Variants in MTSS1 observed in about 807,000 individuals in gnomAD.
The protein encoded by MTSS1 is MTSS I-BAR domain containing 1, also known as protein MTSS 1.
A neutral mutation model predicts 79.0 loss-of-function variants in MTSS1; 18 were observed. The ratio of observed to expected loss-of-function variants is 0.23; its 90% CI spans 0.16 to 0.34. The LOEUF (loss-of-function observed/expected upper bound fraction) is 0.34, where lower values mean the gene tolerates loss of function less well. Among genes scored for constraint, MTSS1 ranks in the 10% least tolerant of loss-of-function variants. MTSS1 has a pLI of 1.00. For synonymous variants in MTSS1, 341 were observed against 368.6 expected (o/e 0.93, Z 0.86); for missense variants, 815 against 986.2 (o/e 0.83, Z 2.33).
chr8:124,686,665 GT>G (rs1827035274), intron 3 of MTSS1, among the ~76,000 whole-genome samples: 1 of 152,196 alleles, frequency 6.6e-6, no homozygotes, highest in Non-Finnish European at 1.5e-5. Context: ...CACATTTTTG[GT>G]TTTCACAACT....
intron 3 of MTSS1, among the ~76,000 whole-genome samples, chr8:124,632,823 G>A (rs754710496): frequency 1.3e-5 from 2 of 152,016 alleles, no homozygotes; most frequent in Admixed American, 6.6e-5. Flanking sequence ...GTATGCTACC[G>A]CATCCAGCTA....
At position 124,551,487 on chromosome 8, in the gene MTSS1, T is replaced by TAA. The variant is rs1349170962; in HGVS notation, c.*1503_*1504dup. 6.6e-6 allele frequency: 1 copy of TAA among 152,594 alleles called. No homozygotes were observed. Among genetic ancestry groups the TAA allele is most frequent in the Admixed American group, 6.5e-5 (1 of 15,278 alleles). 9.5% of individuals were successfully genotyped at this position (152,594 alleles called of 1,614,324 possible). ...TCCAATGCAGTTATGTGTTAAAGCA[T>TAA]AAGATTAGGTAATTGAGGGTTAGAG... is the stretch of plus-strand genomic sequence containing the variant. On this transcript the variant is annotated 3_prime_UTR_variant, in exon 14 of 14. Transcript: ENST00000518547.
rs1830254498 is a variant in MTSS1, at chr8:124,582,687, AAC to A, written c.460+2398_460+2399del. Among the ~76,000 whole-genome samples the A allele has an allele frequency of 6.6e-6, 1 of 152,316 alleles. No homozygotes were observed. The highest frequency in any genetic ancestry group is 6.5e-5 in the Admixed American group (1 of 15,306). ...GCGTGGTGCGTCAGAAGGAACTGCT[AAC>A]ACTTTTACAAACCGAGGGTCCGGGA... On this transcript the variant is annotated intron_variant, in intron 6 of 13. Coordinates refer to ENST00000518547, the MANE Select transcript of MTSS1 (RefSeq NM_014751.6). The surrounding 1 kb of genome is among the most constrained non-coding windows in gnomAD (Gnocchi z 4.8).
Position 124,553,273 on chromosome 8 carries a change from AG to A in MTSS1, c.1986del (p.Ser663GlnfsTer58). The A allele has an allele frequency of 6.2e-7, 1 of 1,614,104 alleles. No individual in the cohort carries two copies. Among genetic ancestry groups the A allele is most frequent in the Non-Finnish European group, 8.5e-7 (1 of 1,180,022 alleles). On this transcript the variant is annotated frameshift_variant, in exon 14 of 14. Transcript: ENST00000518547. LOFTEE classifies it high-confidence loss of function. The surrounding 1 kb of genome is among the most constrained non-coding windows in gnomAD (Gnocchi z 6.0). ...ACGGAAGCTTGGCCGCTCCACATTG[AG>A]GAGGGCATGCTGGTGACACCTTGGG... ...EGPQGVTSMPSSMWSGQASVN... is the reference protein window; with the variant it reads ...EGPQGVTSMPXSMWSGQASVN...
intron 3 of MTSS1, among the ~76,000 whole-genome samples, chr8:124,641,712 C>T (rs1818085954): frequency 6.6e-6 from 1 of 152,126 alleles, no homozygotes; most frequent in South Asian, 2.1e-4. Flanking sequence ...GCTCAAATGG[C>T]CCCCCTAAAA....
At chr8:124,604,595 G>T (rs896548503) in intron 3 of MTSS1, among the ~76,000 whole-genome samples, 6 of 150,184 alleles carry the variant, frequency 4.0e-5, no homozygotes, top group African/African-American at 7.3e-5. Context: ...TTCCTGTGTG[G>T]TTTTTTTTTT....
intron 3 of MTSS1, among the ~76,000 whole-genome samples, chr8:124,667,029 T>C (rs111507480): frequency 0.026 from 3,936 of 152,070 alleles, 168 homozygotes; most frequent in African/African-American, 0.089. Flanking sequence ...GTCTCACTAG[T>C]TATATAAAAA....
At position 124,557,695 on chromosome 8, in the gene MTSS1, T is replaced by A; in HGVS notation, c.1216A>T (p.Ile406Phe). 6.3e-7 allele frequency: 1 copy of A among 1,581,590 alleles called. No individual in the cohort carries two copies. The highest frequency in any genetic ancestry group is 8.6e-7 in the Non-Finnish European group (1 of 1,163,828). ...GAGACACAAACCTTCCAGCTAGGGA[T>A]CTGAGATGACGGGAACATGCCGGGC... ...IGPGMFPSSQ[I>F]PSWKDWAKPG... The change falls in exon 11 of 14, where the codon ATC becomes TTC. Residue 406 changes from isoleucine to phenylalanine, a missense_variant. By Grantham distance (21) the Ile-to-Phe change is conservative. This residue lies in a region of MTSS1 where 590 missense variants were observed against 620.8 expected (regional missense o/e 0.95). Transcript: ENST00000518547.
chr8:124,697,261 A>T (rs1249214698), intron 3 of MTSS1, among the ~76,000 whole-genome samples: 4 of 151,980 alleles, frequency 2.6e-5, no homozygotes, highest in African/African-American at 9.7e-5. Flanking sequence ...CTTAAAAAAA[A>T]AAAAAGACAT....
chr8:124,625,919 C>G (rs1045698322), intron 3 of MTSS1, among the ~76,000 whole-genome samples: 1 of 152,230 alleles, frequency 6.6e-6, no homozygotes, highest in Non-Finnish European at 1.5e-5. Context: ...CTCTCTCCCT[C>G]CCCTCTCAGT....
chr8:124,718,043 G>C (rs1832354432), intron 1 of MTSS1, among the ~76,000 whole-genome samples: 1 of 151,978 alleles, frequency 6.6e-6, no homozygotes, highest in South Asian at 2.1e-4. Flanking sequence ...GCTAAGTGAA[G>C]AAAGAAGTTT....
Position 124,704,129 on chromosome 8 carries a change from C to CCGAA in MTSS1, c.131_134dup (p.Thr46SerfsTer19). On this transcript the variant is annotated frameshift_variant and splice_region_variant. Transcript: ENST00000518547. LOFTEE classifies it high-confidence loss of function. ...CCTGTAGAACATGTGCTTCTACTTACCGAAGCTGGGACTGCAGCTTTCCTG... is the reference window on the plus strand; with the variant it reads ...CCTGTAGAACATGTGCTTCTACTTACCGAACGAAGCTGGGACTGCAGCTTTCCTG... The CCGAA allele has an allele frequency of 6.2e-7, 1 of 1,613,778 alleles. No homozygotes were observed. The highest frequency in any genetic ancestry group is 1.1e-5 in the South Asian group (1 of 91,078).
At chr8:124,599,482 CAAAAAA>C (rs202122400) in intron 3 of MTSS1, among the ~76,000 whole-genome samples, 9 of 85,736 alleles carry the variant, frequency 1.0e-4, no homozygotes, top group South Asian at 3.9e-4. Flanking sequence ...GACTCCGTCT[CAAAAAA>C]AAAAAAAAAA....
At chr8:124,565,156 G>A (rs1466027241) in intron 9 of MTSS1, among the ~76,000 whole-genome samples, 1 of 152,200 alleles carries the variant, frequency 6.6e-6, no homozygotes, top group Non-Finnish European at 1.5e-5. Flanking sequence ...AATTAATACA[G>A]GTGTGGTCGT....
At chr8:124,716,781 C>T (rs1286286446) in intron 1 of MTSS1, among the ~76,000 whole-genome samples, 2 of 152,026 alleles carry the variant, frequency 1.3e-5, no homozygotes, top group African/African-American at 2.4e-5. Flanking sequence ...TCCCAGTGTC[C>T]ACATCTAGCT....
chr8:124,698,435 A>G (rs1829195156), intron 3 of MTSS1, among the ~76,000 whole-genome samples: 1 of 152,148 alleles, frequency 6.6e-6, no homozygotes, highest in Non-Finnish European at 1.5e-5. Context: ...ATTGCAATGA[A>G]AAGGAAATCA....
intron 3 of MTSS1, among the ~76,000 whole-genome samples, chr8:124,630,153 T>A (rs1815631508): frequency 6.6e-6 from 1 of 152,298 alleles, no homozygotes; most frequent in Non-Finnish European, 1.5e-5. Context: ...TCCCTCTACC[T>A]CCCCTGGAAG....
intron 3 of MTSS1, among the ~76,000 whole-genome samples, chr8:124,619,687 G>C (rs1009795888): frequency 7.2e-5 from 11 of 151,814 alleles, no homozygotes; most frequent in African/African-American, 2.4e-4. Flanking sequence ...TTTTTTAAAG[G>C]TTTTCTGCAA....
chr8:124,691,388 GATTTT>G (rs1221149105), intron 3 of MTSS1, among the ~76,000 whole-genome samples: 1 of 152,122 alleles, frequency 6.6e-6, no homozygotes. Flanking sequence ...CATTTTTATA[GATTTT>G]ATTTGTACTT....
Sources: allele counts gnomAD v4.1 joint callset (sites outside exome capture counted in the v4.1 genomes callset), GRCh38; gene constraint gnomAD v4.1.1; regional missense constraint gnomAD v4.1.1; non-coding constraint Gnocchi (gnomAD v3.1); transcripts MANE v1.5; gene names NCBI Gene and HGNC (gene_info 2026-07-23, HGNC 2026-07-21).